The following CNTN5 variants were observed in gnomAD, a reference collection of about 807,000 sequenced individuals.
CNTN5 encodes contactin-5.
CNTN5 carries 77 observed loss-of-function variants against 129.1 expected under a neutral mutation model. That is an observed-to-expected ratio of 0.60 (90% CI 0.50 to 0.72). CNTN5 has a LOEUF of 0.72. Among genes scored for constraint, CNTN5 ranks in the 30% least tolerant of loss-of-function variants. The pLI is 0.00. For synonymous variants in CNTN5, 509 were observed against 465.6 expected, an observed-to-expected ratio of 1.09 and a Z score of -1.20; for missense variants, 1,478 against 1,328.8, an observed-to-expected ratio of 1.11 and a Z score of -1.75.
chr11:99,089,246 T>C (rs1262402880), intron 1 of CNTN5, among the ~76,000 whole-genome samples: 1 of 152,100 alleles, frequency 6.6e-6, no homozygotes, highest in Admixed American at 6.6e-5. Flanking sequence ...TATAAACAAT[T>C]ATATTTATAG....
At chr11:100,110,626 A>G (rs767651897) in intron 13 of CNTN5, among the ~76,000 whole-genome samples, 1 of 152,234 alleles carries the variant, frequency 6.6e-6, no homozygotes, top group Non-Finnish European at 1.5e-5. Context: ...GCAATCCATA[A>G]TAGAAACTAT....
At chr11:99,350,843 T>C (rs1938247013) in intron 2 of CNTN5, among the ~76,000 whole-genome samples, 1 of 152,050 alleles carries the variant, frequency 6.6e-6, no homozygotes, top group Admixed American at 6.6e-5. Flanking sequence ...GTATGATAAT[T>C]TTCTGTAGTG....
chr11:99,332,912 A>T (rs1866062149), intron 2 of CNTN5, among the ~76,000 whole-genome samples: 1 of 152,120 alleles, frequency 6.6e-6, no homozygotes, highest in Admixed American at 6.6e-5. Flanking sequence ...GATATAATTC[A>T]CTTAGCGCAA....
At chr11:100,059,371 A>G (rs533199203) in intron 9 of CNTN5, among the ~76,000 whole-genome samples, 1 of 152,296 alleles carries the variant, frequency 6.6e-6, no homozygotes, top group South Asian at 2.1e-4. Context: ...GAAGGAAACT[A>G]TAGACGTGTT....
At chr11:100,134,983 C>T (rs767718876) in intron 13 of CNTN5, among the ~76,000 whole-genome samples, 10 of 151,880 alleles carry the variant, frequency 6.6e-5, no homozygotes, top group Admixed American at 1.3e-4. Flanking sequence ...ATGTAGATAA[C>T]TCTCAGTATA....
chr11:99,403,112 T>A (rs989423156), intron 2 of CNTN5, among the ~76,000 whole-genome samples: 1 of 138,386 alleles, frequency 7.2e-6, no homozygotes, highest in Non-Finnish European at 1.5e-5. Context: ...GTTCACGCCA[T>A]TCTCCTGCCT....
chr11:100,327,582 C>T (rs1951816408), intron 21 of CNTN5, among the ~76,000 whole-genome samples: 1 of 152,128 alleles, frequency 6.6e-6, no homozygotes, highest in African/African-American at 2.4e-5. Flanking sequence ...CCGAGTTTTA[C>T]ATTTGTGGGT....
At chr11:99,121,980 CAT>C (rs10673411) in intron 1 of CNTN5, among the ~76,000 whole-genome samples, 17 of 150,988 alleles carry the variant, frequency 1.1e-4, no homozygotes, top group Admixed American at 1.3e-4. Flanking sequence ...AATTCTTTTA[CAT>C]ATATATATAT....
chr11:99,967,017 A>T (rs1411677298), intron 8 of CNTN5, among the ~76,000 whole-genome samples: 1 of 152,162 alleles, frequency 6.6e-6, no homozygotes, highest in Non-Finnish European at 1.5e-5. Context: ...TCCAACCCAG[A>T]TGATACATAA....
intron 13 of CNTN5, among the ~76,000 whole-genome samples, chr11:100,103,945 G>A (rs1008854445): frequency 6.6e-6 from 1 of 152,084 alleles, no homozygotes. Flanking sequence ...TACGAAATAA[G>A]TAGAACTTGT....
At chr11:99,480,484 G>A (rs938141969) in intron 2 of CNTN5, among the ~76,000 whole-genome samples, 7 of 152,094 alleles carry the variant, frequency 4.6e-5, no homozygotes, top group African/African-American at 1.7e-4. Context: ...AGGCTTAAAT[G>A]ACTAAATATC....
intron 3 of CNTN5, 52 bp downstream of exon 3, chr11:99,556,321 A>C (rs1379737270): frequency 1.8e-6 from 2 of 1,118,090 alleles, no homozygotes; most frequent in African/African-American, 3.1e-5. Context: ...CAAAATAACC[A>C]AAATATATCA....
intron 7 of CNTN5, among the ~76,000 whole-genome samples, chr11:99,920,084 C>T (rs1434299561): frequency 1.3e-5 from 2 of 152,032 alleles, no homozygotes; most frequent in Middle Eastern, 3.2e-3. Context: ...TAGTTTGTTG[C>T]TTTATATTGC....
At chr11:99,422,510 TTATATTTTTA>T (rs1344021446) in intron 2 of CNTN5, among the ~76,000 whole-genome samples, 952 of 61,116 alleles carry the variant, frequency 0.016, 4 homozygotes, top group South Asian at 0.049. Flanking sequence ...TCATGTTACT[TTATATTTTTA>T]TATATATATA....
chr11:99,950,764 C>G (rs1950655609), intron 7 of CNTN5, among the ~76,000 whole-genome samples: 1 of 152,192 alleles, frequency 6.6e-6, no homozygotes, highest in African/African-American at 2.4e-5. Context: ...GTGTAATTCT[C>G]AGCATTACTA....
chr11:99,359,260 T>C (rs1224680389), intron 2 of CNTN5, among the ~76,000 whole-genome samples: 1 of 152,176 alleles, frequency 6.6e-6, no homozygotes, highest in African/African-American at 2.4e-5. Context: ...CAACTCTATA[T>C]GTCCTTATAA....
At chr11:99,704,595 G>A (rs928261939) in intron 3 of CNTN5, among the ~76,000 whole-genome samples, 1 of 151,000 alleles carries the variant, frequency 6.6e-6, no homozygotes, top group African/African-American at 2.4e-5. Context: ...ACAAAAAAGA[G>A]AACCCGATTT....
At chr11:99,645,744 A>G (rs1004296920) in intron 3 of CNTN5, among the ~76,000 whole-genome samples, 1 of 150,664 alleles carries the variant, frequency 6.6e-6, no homozygotes, top group Non-Finnish European at 1.5e-5. Flanking sequence ...TGGTAGTTGA[A>G]CAATGAGAAC....
intron 2 of CNTN5, among the ~76,000 whole-genome samples, chr11:99,331,652 A>C (rs1866005007): frequency 6.6e-6 from 1 of 152,204 alleles, no homozygotes; most frequent in South Asian, 2.1e-4. Context: ...TATCTGCAGT[A>C]GATCAACTTT....
Sources: allele counts gnomAD v4.1 joint callset (sites outside exome capture counted in the v4.1 genomes callset), GRCh38; gene constraint gnomAD v4.1.1; transcripts MANE v1.5; gene names NCBI Gene and HGNC (gene_info 2026-07-23, HGNC 2026-07-21).